The following GOLGA4 variants were observed in gnomAD, a reference collection of about 807,000 sequenced individuals.
GOLGA4 encodes the protein golgin subfamily A member 4.
In GOLGA4, 169 loss-of-function variants were observed where a neutral mutation model predicts 265.9. The observed-to-expected ratio is 0.64, with a 90% CI of 0.56 to 0.72. The LOEUF is 0.72. GOLGA4 is among the 30% of genes least tolerant of loss of function. GOLGA4 has a pLI of 0.00. For synonymous variants in GOLGA4, 923 were observed against 855.8 expected, an observed-to-expected ratio of 1.08 and a Z score of -1.37; for missense variants, 2,482 against 2,483.4, an observed-to-expected ratio of 1.00 and a Z score of 0.01.
Position 37,251,454 on chromosome 3 carries a change from G to A in GOLGA4, c.132G>A (p.Glu44=). Residue 44 remains glutamate (E), a synonymous_variant, in exon 2 of 24, where the codon GAG becomes GAA. Coordinates refer to ENST00000361924, the MANE Select transcript of GOLGA4 (RefSeq NM_002078.5). ...GGAGCAGGACATCTTCATTTACAGA[G>A]CAACTTGATGAAGGTACACCCAATA... is the stretch of plus-strand genomic sequence containing the variant. ...RMRSRTSSFT[E]QLDEGTPNRE... 1 of 1,610,668 alleles carries A rather than the reference G, an allele frequency of 6.2e-7. No homozygotes were observed. The highest frequency in any genetic ancestry group is 1.3e-5 in the African/African-American group (1 of 74,944).
intron 5 of GOLGA4, among the ~76,000 whole-genome samples, chr3:37,291,039 G>A (rs2096863218): frequency 6.6e-6 from 1 of 152,030 alleles, no homozygotes; most frequent in South Asian, 2.1e-4. Context: ...TGTATTTCTG[G>A]TGAGAAATTA....
intron 22 of GOLGA4, among the ~76,000 whole-genome samples, chr3:37,360,071 G>C (rs140195900): frequency 1.3e-3 from 196 of 152,264 alleles, no homozygotes; most frequent in Admixed American, 8.0e-3. Context: ...TCTGTGAACA[G>C]TTTGGGGAAT....
chr3:37,334,664 G>T (rs1297737182), intron 16 of GOLGA4, among the ~76,000 whole-genome samples: 1 of 152,084 alleles, frequency 6.6e-6, no homozygotes, highest in Non-Finnish European at 1.5e-5. Flanking sequence ...TAAAACACAG[G>T]ATACGTATTG....
chr3:37,303,310 A>T (rs1175636808), intron 10 of GOLGA4, among the ~76,000 whole-genome samples: 1 of 152,240 alleles, frequency 6.6e-6, no homozygotes. Flanking sequence ...GCAAAGACAG[A>T]AATCCAGTTT....
chr3:37,325,396 G>A lies in GOLGA4; in HGVS notation c.3510G>A (p.Lys1170=), dbSNP rs915351567. The change falls in exon 14 of 24, where the codon AAG becomes AAA. Residue 1170 remains lysine (K), a synonymous_variant. Coordinates refer to ENST00000361924, the MANE Select transcript of GOLGA4 (RefSeq NM_002078.5). Reference sequence around the variant, plus strand: ...TGCTGGCAGAAGAAGATAAGCGGAAGGTTTCTGAGTTGACTAGCAAGTTGA... The same window carrying A: ...TGCTGGCAGAAGAAGATAAGCGGAAAGTTTCTGAGTTGACTAGCAAGTTGA... ...LKMLAEEDKR[K]VSELTSKLKT... 4.3e-6 allele frequency: 7 copies of A among 1,612,424 alleles called. No homozygotes were observed. The highest frequency in any genetic ancestry group is 1.3e-5 in the African/African-American group (1 of 74,876).
chr3:37,274,398 A>G (rs2096807929), intron 2 of GOLGA4, among the ~76,000 whole-genome samples: 1 of 152,142 alleles, frequency 6.6e-6, no homozygotes, highest in South Asian at 2.1e-4. Context: ...AAAAAAAATC[A>G]TTATGATAGC....
chr3:37,254,840 A>G (rs1317200831), intron 2 of GOLGA4, among the ~76,000 whole-genome samples: 1 of 148,188 alleles, frequency 6.7e-6, no homozygotes, highest in African/African-American at 2.4e-5. Context: ...TATATTATAT[A>G]TATTAGCTTA....
intron 11 of GOLGA4, among the ~76,000 whole-genome samples, chr3:37,316,122 A>G (rs917803380): frequency 2.3e-4 from 35 of 151,662 alleles, no homozygotes; most frequent in Non-Finnish European, 2.8e-4. Flanking sequence ...TAGATTTTCA[A>G]TTTTTCAGAA....
intron 3 of GOLGA4, among the ~76,000 whole-genome samples, chr3:37,283,734 C>T (rs1463307585): frequency 6.6e-6 from 1 of 152,080 alleles, no homozygotes; most frequent in East Asian, 1.9e-4. Flanking sequence ...GCTATGTTGC[C>T]CAGCCTGGTC....
At chr3:37,343,185 G>C (rs1222429354) in intron 20 of GOLGA4, among the ~76,000 whole-genome samples, 1 of 152,192 alleles carries the variant, frequency 6.6e-6, no homozygotes, top group Admixed American at 6.5e-5. Context: ...GCAATGGCGC[G>C]ATCTCAGCTC....
At chr3:37,307,981 C>T (rs2096911661) in intron 10 of GOLGA4, among the ~76,000 whole-genome samples, 2 of 152,120 alleles carry the variant, frequency 1.3e-5, no homozygotes, top group African/African-American at 4.8e-5. Flanking sequence ...CGCCCGAAAT[C>T]CCAGCACTTT....
At chr3:37,278,776 T>G (rs1217130434) in intron 2 of GOLGA4, among the ~76,000 whole-genome samples, 1 of 151,954 alleles carries the variant, frequency 6.6e-6, no homozygotes, top group Non-Finnish European at 1.5e-5. Context: ...TCTCATTAAT[T>G]CTCATAACAA....
intron 2 of GOLGA4, among the ~76,000 whole-genome samples, chr3:37,264,667 T>C (rs1297277903): frequency 6.6e-6 from 1 of 152,146 alleles, no homozygotes; most frequent in African/African-American, 2.4e-5. Flanking sequence ...GTATATGTAA[T>C]TTATCACCAT....
At chr3:37,299,126 A>G (rs2096886333) in intron 8 of GOLGA4, 106 bp downstream of exon 8, 1 of 1,065,540 alleles carries the variant, frequency 9.4e-7, no homozygotes, top group Non-Finnish European at 1.4e-6. Context: ...TGGAAAGGGC[A>G]TTTTTGTTTG....
At chr3:37,310,718 AGTGT>A (rs200337682) in intron 10 of GOLGA4, among the ~76,000 whole-genome samples, 17 of 151,370 alleles carry the variant, frequency 1.1e-4, no homozygotes, top group Non-Finnish European at 1.9e-4. Context: ...GTATTTTTAA[AGTGT>A]GTGTGTGTGT....
At chr3:37,365,355 G>A (rs1052234930) in intron 23 of GOLGA4, among the ~76,000 whole-genome samples, 13 of 151,984 alleles carry the variant, frequency 8.6e-5, no homozygotes, top group African/African-American at 2.7e-4. Flanking sequence ...TGCAACCTCC[G>A]CCTCCTGAGT....
rs2096976577 is a variant in GOLGA4, at chr3:37,327,739, A to G, written c.5853A>G (p.Lys1951=). ...KLGKEIVRLQ[K]DLRMLRKEHQ... is the part of the protein sequence containing the mutation. ...GCAAGGAGATTGTTAGATTGCAGAA[A>G]GACCTTCGAATGTTGAGAAAGGAGC... The change falls in exon 14 of 24, where the codon AAA becomes AAG. Residue 1951 remains lysine, a synonymous_variant. Transcript: ENST00000361924. 1 of 1,613,204 alleles carries G rather than the reference A, an allele frequency of 6.2e-7. No individual in the cohort carries two copies. Among genetic ancestry groups the G allele is most frequent in the South Asian group, 1.1e-5 (1 of 91,048 alleles).
chr3:37,289,917 C>T (rs1261949562), intron 5 of GOLGA4, among the ~76,000 whole-genome samples: 1 of 152,200 alleles, frequency 6.6e-6, no homozygotes. Flanking sequence ...TCTCTCCACT[C>T]ATTTGTATTG....
intron 2 of GOLGA4, 81 bp downstream of exon 2, chr3:37,251,565 A>C: frequency 1.2e-6 from 1 of 831,476 alleles, no homozygotes; most frequent in Non-Finnish European, 2.0e-6. Context: ...AAAATGGGAA[A>C]CTTTTGACAG....
Sources: allele counts gnomAD v4.1 joint callset (sites outside exome capture counted in the v4.1 genomes callset), GRCh38; gene constraint gnomAD v4.1.1; transcripts MANE v1.5; gene names NCBI Gene and HGNC (gene_info 2026-07-23, HGNC 2026-07-21).